Variants in GLIS3 observed in about 807,000 individuals in gnomAD.
The protein encoded by GLIS3 is GLIS family zinc finger 3, also known as zinc finger protein GLIS3.
In GLIS3, 53 loss-of-function variants were observed where a neutral mutation model predicts 78.6. The ratio of observed to expected loss-of-function variants is 0.67; its 90% CI spans 0.54 to 0.85. The LOEUF (loss-of-function observed/expected upper bound fraction) is 0.85, where lower values mean the gene tolerates loss of function less well. GLIS3 is among the 40% of genes least tolerant of loss of function. The pLI, the probability that GLIS3 is intolerant of heterozygous loss-of-function variation, is 0.00. For synonymous variants in GLIS3, 684 were observed against 509.9 expected (o/e 1.34, Z -4.60); for missense variants, 1,703 against 1,231.1 (o/e 1.38, Z -5.74).
intron 2 of GLIS3, among the ~76,000 whole-genome samples, chr9:4,233,037 G>T (rs1234358514): frequency 6.6e-6 from 1 of 152,176 alleles, no homozygotes; most frequent in Non-Finnish European, 1.5e-5. Flanking sequence ...CGACAGCAAT[G>T]CTTATATTAA....
intron 3 of GLIS3, among the ~76,000 whole-genome samples, chr9:4,121,215 T>C (rs575635506): frequency 6.6e-6 from 1 of 152,340 alleles, no homozygotes; most frequent in South Asian, 2.1e-4. Context: ...CTTTCAAAGC[T>C]CTAATCCATG....
In GLIS3 at chr9:3,863,449, G is replaced by A. The variant is rs188343725; in HGVS notation, c.2298-7265C>T. The stretch of plus-strand genomic sequence containing the variant: ...GTCCACTGGGGCAGGACTGGGGCAG[G>A]GCAAGAGCTGTGTGTCCGTCTGAGG... On this transcript the variant is annotated intron_variant, in intron 8 of 10. Transcript: ENST00000381971. Among the ~76,000 whole-genome samples the A allele has an allele frequency of 6.4e-4, 98 of 152,340 alleles. 1 individual carries two copies. The highest frequency in any genetic ancestry group is 3.9e-3 in the South Asian group (19 of 4,824).
intron 4 of GLIS3, among the ~76,000 whole-genome samples, chr9:3,953,791 CTCTCTATA>C (rs1379277110): frequency 0.091 from 4,257 of 46,714 alleles, 71 homozygotes; most frequent in East Asian, 0.16. Context: ...CTCTCTCTCT[CTCTCTATA>C]TATATATATA....
At chr9:3,985,170 G>A (rs1251818144) in intron 4 of GLIS3, among the ~76,000 whole-genome samples, 2 of 151,634 alleles carry the variant, frequency 1.3e-5, no homozygotes, top group Non-Finnish European at 2.9e-5. Context: ...ACTGAGACAG[G>A]GTCTTGCTCT....
the GLIS3 span, among the ~76,000 whole-genome samples, chr9:4,407,682 A>G: frequency 6.6e-6 from 1 of 152,188 alleles, no homozygotes; most frequent in Admixed American, 6.5e-5. Context: ...AAAACATTGG[A>G]AAAACTATCC....
intron 4 of GLIS3, among the ~76,000 whole-genome samples, chr9:4,090,490 G>C (rs1412280587): frequency 6.6e-6 from 1 of 151,874 alleles, no homozygotes; most frequent in Non-Finnish European, 1.5e-5. Flanking sequence ...TCTCCAGGCA[G>C]AATCAAGTGA....
intron 2 of GLIS3, among the ~76,000 whole-genome samples, chr9:4,253,687 G>A (rs530144935): frequency 6.6e-5 from 10 of 152,198 alleles, no homozygotes; most frequent in African/African-American, 1.4e-4. Context: ...CTGGGTGTCC[G>A]CCCAAACGGC....
intron 4 of GLIS3, among the ~76,000 whole-genome samples, chr9:4,006,530 C>T (rs1401855748): frequency 6.6e-6 from 1 of 152,058 alleles, no homozygotes; most frequent in African/African-American, 2.4e-5. Context: ...GTGAGGGGTG[C>T]AGGAAGGACA....
At chr9:4,044,159 G>C (rs1825058567) in intron 4 of GLIS3, among the ~76,000 whole-genome samples, 1 of 152,182 alleles carries the variant, frequency 6.6e-6, no homozygotes. Context: ...GAGGGAGTCT[G>C]TTCAACAGGA....
At chr9:3,945,443 A>C (rs900851298) in intron 4 of GLIS3, among the ~76,000 whole-genome samples, 12 of 152,164 alleles carry the variant, frequency 7.9e-5, no homozygotes, top group Admixed American at 2.0e-4. Context: ...TTCTTGCACA[A>C]TGAGTACTTC....
At chr9:4,144,489 A>G (rs908772420) in intron 2 of GLIS3, among the ~76,000 whole-genome samples, 1 of 152,342 alleles carries the variant, frequency 6.6e-6, no homozygotes. Flanking sequence ...ATTCAAAACC[A>G]TATAATTAGA....
At chr9:3,921,358 G>A (rs1205090062) in intron 6 of GLIS3, among the ~76,000 whole-genome samples, 2 of 152,196 alleles carry the variant, frequency 1.3e-5, no homozygotes, top group Non-Finnish European at 2.9e-5. Flanking sequence ...ATCGCCCTGT[G>A]GAGGTAGGTT....
At chr9:4,431,613 G>C in the GLIS3 span, among the ~76,000 whole-genome samples, 1 of 152,178 alleles carries the variant, frequency 6.6e-6, no homozygotes, top group South Asian at 2.1e-4. Context: ...GGGAGACCAA[G>C]GCAGGTGGAT....
In GLIS3 at chr9:3,873,494, A is replaced by G. The variant is rs80191663; in HGVS notation, c.2297+5933T>C. Among the ~76,000 whole-genome samples, 418 of 152,298 alleles carry G rather than the reference A, an allele frequency of 2.7e-3. 3 individuals are homozygous for G. The highest frequency in any genetic ancestry group is 9.7e-3 in the African/African-American group (403 of 41,552). Reference sequence around the variant, plus strand: ...ATATGATCATCAGTTAAATAGAAGGAATAAATTCAATGTCTGGTAACAGAA... The same window carrying G: ...ATATGATCATCAGTTAAATAGAAGGGATAAATTCAATGTCTGGTAACAGAA... On this transcript the variant is annotated intron_variant, in intron 8 of 10. Coordinates refer to ENST00000381971, the MANE Select transcript of GLIS3 (RefSeq NM_001042413.2).
At chr9:3,840,071 C>T (rs1450011517) in intron 9 of GLIS3, among the ~76,000 whole-genome samples, 1 of 152,008 alleles carries the variant, frequency 6.6e-6, no homozygotes, top group East Asian at 1.9e-4. Context: ...TTTTCTTGAG[C>T]GTCATTTTCT....
At chr9:4,463,511 T>A in the GLIS3 span, among the ~76,000 whole-genome samples, 12 of 152,190 alleles carry the variant, frequency 7.9e-5, no homozygotes, top group Non-Finnish European at 1.8e-4. Flanking sequence ...ATGTTGGCAA[T>A]CTCAGGCATC....
chr9:4,337,443 A>T (rs1211435696), intron 2 of GLIS3, among the ~76,000 whole-genome samples: 1 of 152,250 alleles, frequency 6.6e-6, no homozygotes, highest in Admixed American at 6.5e-5. Context: ...ACAAAATCGT[A>T]CGGACAGTAT....
At chr9:4,165,506 T>C (rs1835812614) in intron 2 of GLIS3, among the ~76,000 whole-genome samples, 1 of 152,228 alleles carries the variant, frequency 6.6e-6, no homozygotes, top group Non-Finnish European at 1.5e-5. Flanking sequence ...TTCTAAGTTA[T>C]TTGTTTACAG....
chr9:4,283,736 C>T (rs1020997230), intron 2 of GLIS3, among the ~76,000 whole-genome samples: 36 of 152,190 alleles, frequency 2.4e-4, no homozygotes, highest in African/African-American at 8.7e-4. Context: ...TCCTAGATCA[C>T]CATCCTCAAC....
Sources: gnomAD v4.1 joint callset for allele counts (sites outside exome capture counted in the v4.1 genomes callset) on GRCh38, gnomAD v4.1.1 for gene constraint, MANE v1.5 for transcripts, NCBI Gene and HGNC (gene_info 2026-07-23, HGNC 2026-07-21) for gene names.